Variants in MGAM observed in about 807,000 individuals in gnomAD.
The protein encoded by MGAM is maltase-glucoamylase.
MGAM carries 253 observed loss-of-function variants against 358.8 expected under a neutral mutation model. The observed-to-expected ratio is 0.71, with a 90% CI of 0.64 to 0.78. The LOEUF (loss-of-function observed/expected upper bound fraction) is 0.78. Among genes scored for constraint, MGAM ranks in the 30% least tolerant of loss-of-function variants. The pLI is 0.00. For missense variants in MGAM, 3,080 were observed against 3,432.6 expected (o/e 0.90, Z 2.57); for synonymous variants, 1,105 against 1,227.1 (o/e 0.90, Z 2.08).
intron 17 of MGAM, 114 bp downstream of exon 17, chr7:142,036,399 C>T: frequency 1.3e-6 from 1 of 783,804 alleles, no homozygotes; most frequent in Non-Finnish European, 2.1e-6. Flanking sequence ...TCTTCACTTA[C>T]TCTAATTTGC....
chr7:142,030,904 G>T, intron 12 of MGAM, 147 bp downstream of exon 12: 2 of 626,028 alleles, frequency 3.2e-6, no homozygotes, highest in Non-Finnish European at 5.5e-6. Flanking sequence ...ATTCTCCTCT[G>T]CCCTTTCATG....
At chr7:142,056,148 G>A in intron 29 of MGAM, 52 bp downstream of exon 29, 1 of 1,517,174 alleles carries the variant, frequency 6.6e-7, no homozygotes, top group Non-Finnish European at 9.0e-7. Flanking sequence ...TCATGCCTGA[G>A]TCAATTTACA....
In MGAM at chr7:142,087,124, T is replaced by A. The variant is rs570062479; in HGVS notation, c.6810+407T>A. Among the ~76,000 whole-genome samples, 43 of 144,080 alleles carry A rather than the reference T, an allele frequency of 3.0e-4. 4 individuals carry two copies. Among genetic ancestry groups the A allele is most frequent in the Middle Eastern group, 3.6e-3 (1 of 278 alleles). The allele number at this position is 144,080 out of a possible 152,430, so 94.5% of individuals were successfully genotyped here. ...TGGTTATCCCTTTTAAACAGTCTTC[T>A]AACCTCAAAGACTGTTTAGGTCTTT... On this transcript the variant is annotated intron_variant, in intron 57 of 70. Transcript: ENST00000475668.
At chr7:142,007,112 G>A (rs1339118587) in intron 2 of MGAM, among the ~76,000 whole-genome samples, 7 of 152,148 alleles carry the variant, frequency 4.6e-5, no homozygotes, top group Admixed American at 2.0e-4. Flanking sequence ...GCTCTGATAG[G>A]TGCTCTTTTC....
chr7:141,994,186 T>TTCTAAGAGGGGTTTATAAGCATG (rs1804071533), upstream of MGAM, among the ~76,000 whole-genome samples: 1 of 152,182 alleles, frequency 6.6e-6, no homozygotes, highest in Non-Finnish European at 1.5e-5. Flanking sequence ...TAAGAATTAA[T>TTCTAAGAGGGGTTTATAAGCATG]TCTAAGAGGG....
At chr7:142,029,361 A>AG (rs200114798) in intron 10 of MGAM, among the ~76,000 whole-genome samples, 19 of 118,178 alleles carry the variant, frequency 1.6e-4, no homozygotes, top group African/African-American at 3.5e-4. Context: ...CTCAGTCTTG[A>AG]GGGAAAAAAA....
At position 142,070,864 on chromosome 7, in the gene MGAM, A is replaced by G. The variant is rs1345602515; in HGVS notation, c.5062-130A>G. 8.9e-6 allele frequency: 11 copies of G among 1,237,408 alleles called. 1 individual carries two copies. In the East Asian group the frequency reaches 1.2e-4, roughly 14 times the overall value. 76.7% of individuals were successfully genotyped at this position (1,237,408 alleles called of 1,614,324 possible). A position where few individuals can be genotyped will look rare whatever the true frequency, so the allele number is the denominator to read the frequency against. ...ACTGTGCGAATGCAGAATGGGTAAT[A>G]GCAGGTATGTTGCAAAGGGTGATGA... On this transcript the variant is annotated intron_variant, in intron 43 of 70. Coordinates refer to ENST00000475668, the MANE Select transcript of MGAM (RefSeq NM_001365693.1).
intron 64 of MGAM, chr7:142,095,993 G>C (rs2129061963): frequency 9.9e-6 from 6 of 608,768 alleles, no homozygotes; most frequent in Non-Finnish European, 1.7e-5. Context: ...TTTTGTAGCA[G>C]TTTGGTTATA....
chr7:142,065,404 C>T lies in MGAM; in HGVS notation c.4554C>T (p.Arg1518=), dbSNP rs1812624181. 1 of 1,610,708 alleles carries T rather than the reference C, an allele frequency of 6.2e-7. No homozygotes were observed. Among genetic ancestry groups the T allele is most frequent in the South Asian group, 1.1e-5 (1 of 90,392 alleles). Residue 1518 remains arginine, a synonymous_variant, in exon 38 of 71, where the codon CGC becomes CGT. Transcript: ENST00000475668. ...GCTCCACATTTCCCTCTTCTGGCCGCTGGGCAGGACATTGGCTGGGAGACA... is the reference window on the plus strand; with the variant it reads ...GCTCCACATTTCCCTCTTCTGGCCGTTGGGCAGGACATTGGCTGGGAGACA... The part of the protein sequence containing the change: ...ITRSTFPSSG[R]WAGHWLGDNT...
Position 142,058,343 on chromosome 7 carries a change from A to G in MGAM, c.3819+15A>G, listed in dbSNP as rs1811761608. 4 of 1,613,816 alleles carry G rather than the reference A, an allele frequency of 2.5e-6. No homozygotes were observed. The highest frequency in any genetic ancestry group is 3.4e-6 in the Non-Finnish European group (4 of 1,179,780). ...AGATCCCTTATGTACGTTCTCAGTC[A>G]TGGCTCTGGAGTTTCAAAACTAACC... On this transcript the variant is annotated intron_variant, in intron 31 of 70. Coordinates refer to ENST00000475668, the MANE Select transcript of MGAM (RefSeq NM_001365693.1).
chr7:142,038,872 T>G (rs1462964344), intron 19 of MGAM, among the ~76,000 whole-genome samples: 1 of 152,172 alleles, frequency 6.6e-6, no homozygotes, highest in Non-Finnish European at 1.5e-5. Context: ...CAAGTTATGT[T>G]AGGTTGTTCT....
At chr7:142,030,214 G>T (rs1807347297) in intron 10 of MGAM, 148 bp from the exon 11 acceptor site, 3 of 834,756 alleles carry the variant, frequency 3.6e-6, no homozygotes, top group African/African-American at 1.7e-5. Flanking sequence ...CATTGGAAAA[G>T]AAGTACTCAG....
At chr7:141,989,527 A>G (rs1345526118) in intron 2 of MGAM, among the ~76,000 whole-genome samples, 2 of 151,258 alleles carry the variant, frequency 1.3e-5, no homozygotes, top group Admixed American at 6.6e-5. Context: ...GGCTAGTTTG[A>G]TTTGAAACTC....
At chr7:142,060,477 G>A in intron 34 of MGAM, 104 bp downstream of exon 34, 2 of 1,370,258 alleles carry the variant, frequency 1.5e-6, no homozygotes, top group Non-Finnish European at 1.0e-6. Flanking sequence ...GGCTTGGCAA[G>A]GGAGAAACAC....
Position 141,986,745 on chromosome 7 carries a change from G to A in MGAM, c.-2-18784G>A, listed in dbSNP as rs139819771. On this transcript the variant is annotated intron_variant, in intron 2 of 5. Coordinates refer to the MGAM transcript ENST00000465654. ...CACAATTTTAGCAATTCAAAATATT[G>A]ATTGAAATTACTTACTCTTCTCCAA... Among the ~76,000 whole-genome samples the A allele has an allele frequency of 7.2e-5, 11 of 152,232 alleles. No homozygotes were observed. The East Asian group carries it at 2.1e-3, about 29-fold the overall frequency.
intron 49 of MGAM, 90 bp from the exon 50 acceptor site, chr7:142,080,701 G>A: frequency 8.5e-7 from 1 of 1,178,750 alleles, no homozygotes; most frequent in South Asian, 1.6e-5. Context: ...CATAGCATCT[G>A]AACTTTTGTC....
chr7:142,094,901 AAC>A, intron 63 of MGAM, 38 bp downstream of exon 63: 1 of 1,595,244 alleles, frequency 6.3e-7, no homozygotes, highest in African/African-American at 1.3e-5. Context: ...TTTCACTTGA[AAC>A]ACAGCCTCCA....
At position 142,056,945 on chromosome 7, in the gene MGAM, A is replaced by G; in HGVS notation, c.3693+3A>G. ...TTGTCACCCAGCAGTACACTGAGGT[A>G]GGGGGAAATCCAATTGTTTATCAAG... On this transcript the variant is annotated splice_donor_region_variant and intron_variant, in intron 30 of 70. Coordinates refer to ENST00000475668, the MANE Select transcript of MGAM (RefSeq NM_001365693.1). 6.2e-7 allele frequency: 1 copy of G among 1,613,458 alleles called. No individual in the cohort carries two copies. The highest frequency in any genetic ancestry group is 8.5e-7 in the Non-Finnish European group (1 of 1,179,548).
chr7:142,059,751 T>C, intron 32 of MGAM, 105 bp from the exon 33 acceptor site: 3 of 1,569,968 alleles, frequency 1.9e-6, no homozygotes, highest in Non-Finnish European at 2.6e-6. Flanking sequence ...AACTCTACTG[T>C]GCAGGTAGAA....
Sources: allele counts gnomAD v4.1 joint callset (sites outside exome capture counted in the v4.1 genomes callset), GRCh38; gene constraint gnomAD v4.1.1; transcripts MANE v1.5; gene names NCBI Gene and HGNC (gene_info 2026-07-23, HGNC 2026-07-21).